Variants in LRRC4C observed in about 807,000 individuals in gnomAD.
The protein encoded by LRRC4C is leucine-rich repeat-containing protein 4C.
LRRC4C carries 5 observed loss-of-function variants against 33.6 expected under a neutral mutation model. That is an observed-to-expected ratio of 0.15 (90% CI 0.08 to 0.31). The LOEUF (loss-of-function observed/expected upper bound fraction) is 0.31. Ranked by LOEUF, LRRC4C falls within the 10% of genes least tolerant of loss-of-function variation. LRRC4C has a pLI of 1.00. For missense variants in LRRC4C, 560 were observed against 796.7 expected, an observed-to-expected ratio of 0.70 and a Z score of 3.58; for synonymous variants, 329 against 302.0, an observed-to-expected ratio of 1.09 and a Z score of -0.93.
At chr11:41,425,321 T>C (rs1417427693) in intron 1 of LRRC4C, among the ~76,000 whole-genome samples, 2 of 152,036 alleles carry the variant, frequency 1.3e-5, no homozygotes, top group African/African-American at 2.4e-5. Flanking sequence ...CAAAATCAAA[T>C]TGGTCGGTTT....
intron 5 of LRRC4C, among the ~76,000 whole-genome samples, chr11:40,224,474 C>A (rs1439264313): frequency 1.3e-5 from 2 of 152,150 alleles, no homozygotes; most frequent in African/African-American, 4.8e-5. Context: ...ATGACAAATA[C>A]AATTTAACAC....
At chr11:41,086,358 A>T (rs906399671) in intron 1 of LRRC4C, among the ~76,000 whole-genome samples, 10 of 152,268 alleles carry the variant, frequency 6.6e-5, no homozygotes, top group Admixed American at 2.6e-4. Flanking sequence ...ATTGTTGTAT[A>T]ACAAAAGCTG....
At chr11:41,421,270 T>C (rs967360890) in intron 1 of LRRC4C, among the ~76,000 whole-genome samples, 6 of 152,046 alleles carry the variant, frequency 3.9e-5, no homozygotes, top group African/African-American at 1.2e-4. Context: ...ATGTCTTCTA[T>C]ATTTGGAGAT....
chr11:40,688,854 C>G (rs1287449519), intron 2 of LRRC4C, among the ~76,000 whole-genome samples: 1 of 151,988 alleles, frequency 6.6e-6, no homozygotes, highest in Non-Finnish European at 1.5e-5. Context: ...TTTGAACTTG[C>G]AAACCAGCTG....
chr11:40,709,240 C>T (rs139870248), intron 2 of LRRC4C, among the ~76,000 whole-genome samples: 23,959 of 151,952 alleles, frequency 0.16, 1,997 homozygotes, highest in African/African-American at 0.17. Flanking sequence ...AATTTGATCC[C>T]GTCATTATGA....
chr11:41,104,593 C>T lies in LRRC4C; in HGVS notation c.-495-170870G>A, dbSNP rs577121027. On this transcript the variant is annotated intron_variant, in intron 1 of 6. Transcript: ENST00000528697. Reference sequence around the variant, plus strand: ...GCTAAATGTGGAGTGAACATATGACCCAGCAGTTCTGCTCCTAGGTGTTTA... The same window carrying T: ...GCTAAATGTGGAGTGAACATATGACTCAGCAGTTCTGCTCCTAGGTGTTTA... Among the ~76,000 whole-genome samples the T allele has an allele frequency of 3.3e-5, 5 of 151,904 alleles. No individual in the cohort carries two copies. In the South Asian group the frequency reaches 8.3e-4, roughly 25 times the overall value.
intron 1 of LRRC4C, among the ~76,000 whole-genome samples, chr11:41,205,420 G>A (rs570752229): frequency 1.3e-5 from 2 of 152,294 alleles, no homozygotes; most frequent in South Asian, 4.1e-4. Flanking sequence ...GGAGACAGCA[G>A]TGGCTTGTAG....
Position 40,519,891 on chromosome 11 carries a change from T to C in LRRC4C, c.-270+128251A>G, listed in dbSNP as rs892078259. On this transcript the variant is annotated intron_variant, in intron 3 of 6. Coordinates refer to ENST00000528697, the MANE Select transcript of LRRC4C (RefSeq NM_001258419.2). ...TATCCTGAAGATCTTGCTAAGGTCA[T>C]GGATGAAGGTGACTACACTAAATGC... Among the ~76,000 whole-genome samples the C allele has an allele frequency of 1.3e-5, 2 of 152,158 alleles. 1 individual carries two copies. The highest frequency in any genetic ancestry group is 6.3e-3 in the Middle Eastern group (2 of 316).
intron 1 of LRRC4C, among the ~76,000 whole-genome samples, chr11:41,132,792 A>G (rs1212225397): frequency 2.6e-5 from 4 of 152,120 alleles, no homozygotes; most frequent in Non-Finnish European, 5.9e-5. Context: ...TTATTAAGCA[A>G]TTACTCTATT....
At chr11:40,265,005 C>A (rs527978900) in intron 4 of LRRC4C, among the ~76,000 whole-genome samples, 2 of 152,284 alleles carry the variant, frequency 1.3e-5, no homozygotes, top group Admixed American at 6.5e-5. Flanking sequence ...TTTAAAAAAG[C>A]AGTCCAAGTG....
chr11:40,206,343 C>A (rs780940284), intron 5 of LRRC4C, among the ~76,000 whole-genome samples: 52 of 152,098 alleles, frequency 3.4e-4, no homozygotes, highest in Non-Finnish European at 1.2e-4. Flanking sequence ...TCCGGCAATT[C>A]TCCTGCCTCA....
chr11:41,369,793 C>G (rs1464806423), intron 1 of LRRC4C, among the ~76,000 whole-genome samples: 1 of 152,082 alleles, frequency 6.6e-6, no homozygotes, highest in East Asian at 1.9e-4. Context: ...AAGCTCAAAG[C>G]AGGAGAATGG....
chr11:40,440,716 T>C (rs11035842), intron 3 of LRRC4C, among the ~76,000 whole-genome samples: 55,194 of 151,962 alleles, frequency 0.36, 10,683 homozygotes, highest in East Asian at 0.53. Context: ...CTTGTGGTGA[T>C]CTGAAAACCC....
At chr11:40,636,883 C>T (rs75622547) in intron 3 of LRRC4C, among the ~76,000 whole-genome samples, 1,862 of 152,260 alleles carry the variant, frequency 0.012, 35 homozygotes, top group African/African-American at 0.042. Context: ...TACCATCTCC[C>T]TTGGCAGTGA....
chr11:41,211,224 A>C (rs1407934417), intron 1 of LRRC4C, among the ~76,000 whole-genome samples: 1 of 152,186 alleles, frequency 6.6e-6, no homozygotes, highest in Admixed American at 6.5e-5. Flanking sequence ...GAATTACTCC[A>C]TGGCAGGGTG....
chr11:40,710,590 C>T (rs1405308082), intron 2 of LRRC4C, among the ~76,000 whole-genome samples: 3 of 152,284 alleles, frequency 2.0e-5, no homozygotes, highest in African/African-American at 7.2e-5. Context: ...GAAGCTTAGT[C>T]TCAGAGGGGC....
At chr11:40,781,435 G>A (rs1351554409) in intron 2 of LRRC4C, among the ~76,000 whole-genome samples, 1 of 152,062 alleles carries the variant, frequency 6.6e-6, no homozygotes, top group Non-Finnish European at 1.5e-5. Flanking sequence ...CTTCACTTTA[G>A]GATTGCCTGC....
chr11:40,319,449 C>T (rs772886173), intron 4 of LRRC4C, among the ~76,000 whole-genome samples, 179 bp downstream of exon 4: 3 of 152,132 alleles, frequency 2.0e-5, no homozygotes, highest in African/African-American at 4.8e-5. Flanking sequence ...TTATGAAGTT[C>T]GTTTTTGCCG....
chr11:41,322,007 G>A (rs1950973456), intron 1 of LRRC4C, among the ~76,000 whole-genome samples: 1 of 151,990 alleles, frequency 6.6e-6, no homozygotes, highest in African/African-American at 2.4e-5. Context: ...TGGCATTACA[G>A]GCACCTGCCA....
Sources: allele counts gnomAD v4.1 joint callset (sites outside exome capture counted in the v4.1 genomes callset), GRCh38; gene constraint gnomAD v4.1.1; transcripts MANE v1.5; gene names NCBI Gene and HGNC (gene_info 2026-07-23, HGNC 2026-07-21).